MYO16: variants seen among roughly 807,000 people sequenced by gnomAD.
MYO16 encodes the protein unconventional myosin-XVI.
A neutral mutation model predicts 205.3 loss-of-function variants in MYO16; 94 were observed. That is an observed-to-expected ratio of 0.46 (90% CI 0.39 to 0.54). MYO16 has a LOEUF of 0.54. Among genes scored for constraint, MYO16 ranks in the 20% least tolerant of loss-of-function variants. MYO16 has a pLI of 0.00. For synonymous variants in MYO16, 988 were observed against 954.0 expected (o/e 1.04, Z -0.66); for missense variants, 2,315 against 2,387.5 (o/e 0.97, Z 0.63).
intron 31 of MYO16, among the ~76,000 whole-genome samples, chr13:109,136,709 C>T (rs898079303): frequency 6.6e-5 from 10 of 152,216 alleles, no homozygotes; most frequent in African/African-American, 2.4e-4. Flanking sequence ...CTTCCAGCAT[C>T]TTCCTCACTG....
chr13:108,625,388 G>A (rs901605641), upstream of MYO16, among the ~76,000 whole-genome samples: 5 of 152,110 alleles, frequency 3.3e-5, no homozygotes, highest in East Asian at 1.9e-4. Context: ...AGGCACCAGG[G>A]GTTGACCAGA....
chr13:108,757,645 A>G (rs1459353089), intron 4 of MYO16, among the ~76,000 whole-genome samples: 2 of 152,070 alleles, frequency 1.3e-5, no homozygotes, highest in African/African-American at 4.8e-5. Flanking sequence ...CCACCCCACA[A>G]CAGGCCCCAG....
intron 27 of MYO16, among the ~76,000 whole-genome samples, chr13:109,079,842 A>G (rs11619051): frequency 6.6e-6 from 1 of 151,772 alleles, no homozygotes; most frequent in African/African-American, 2.4e-5. Flanking sequence ...ACTTTCTGCA[A>G]TGATGGTTTT....
chr13:108,862,140 G>A (rs1019155709), intron 11 of MYO16, among the ~76,000 whole-genome samples: 2 of 152,026 alleles, frequency 1.3e-5, no homozygotes, highest in Admixed American at 1.3e-4. Context: ...TCAAAAGATC[G>A]AAATCCTCAA....
In MYO16 at chr13:108,686,071, G is replaced by A. The variant is rs575919193; in HGVS notation, c.292+19922G>A. Among the ~76,000 whole-genome samples the A allele has an allele frequency of 3.6e-4, 55 of 152,342 alleles. 1 individual carries two copies. Among genetic ancestry groups the A allele is most frequent in the Admixed American group, 9.8e-4 (15 of 15,308 alleles). ...AGGAGAGAAGAAAGCAGCAGACCTG[G>A]TAGGAAATGTTTCAGGACGTAGCAG... On this transcript the variant is annotated intron_variant, in intron 2 of 34. Coordinates refer to ENST00000457511, the MANE Select transcript of MYO16 (RefSeq NM_001198950.3).
chr13:108,561,549 T>A, the MYO16 span, among the ~76,000 whole-genome samples: 1 of 152,208 alleles, frequency 6.6e-6, no homozygotes, highest in African/African-American at 2.4e-5. Context: ...GAAACTGAGG[T>A]TAGGTATTAT....
intron 22 of MYO16, among the ~76,000 whole-genome samples, chr13:109,011,370 C>T (rs1425670449): frequency 6.6e-6 from 1 of 152,112 alleles, no homozygotes; most frequent in Non-Finnish European, 1.5e-5. Context: ...GTGTGCGTGT[C>T]TCATGGCTGG....
In MYO16 at chr13:109,001,998, G is replaced by A. The variant is rs75405797; in HGVS notation, c.2443-6899G>A. On this transcript the variant is annotated intron_variant, in intron 21 of 34. Transcript: ENST00000457511. Reference sequence around the variant, plus strand: ...TATATACACATATATATTAACTAATGAGCAAATTAGTTGATGCATAGTGCA... The same window carrying A: ...TATATACACATATATATTAACTAATAAGCAAATTAGTTGATGCATAGTGCA... Among the ~76,000 whole-genome samples, 456 of 152,114 alleles carry A rather than the reference G, an allele frequency of 3.0e-3. 2 individuals carry two copies. Among genetic ancestry groups the A allele is most frequent in the African/African-American group, 0.011 (441 of 41,480 alleles).
chr13:109,162,248 G>A lies in MYO16; in HGVS notation c.5165-2653G>A, dbSNP rs1246821136. On this transcript the variant is annotated intron_variant, in intron 32 of 34. Coordinates refer to ENST00000457511, the MANE Select transcript of MYO16 (RefSeq NM_001198950.3). This position sits in a 1 kb window ranked among gnomAD's most constrained non-coding sequence, Gnocchi z 4.6. The stretch of plus-strand genomic sequence containing the variant: ...AATCAGTTGTGAGGGAGGCCAGCCT[G>A]AAGTACTCAGACTGAGAGTCAGCAA... Among the ~76,000 whole-genome samples the A allele has an allele frequency of 6.6e-6, 1 of 152,220 alleles. No homozygotes were observed. The highest frequency in any genetic ancestry group is 2.4e-5 in the African/African-American group (1 of 41,452).
intron 34 of MYO16, among the ~76,000 whole-genome samples, chr13:109,204,813 G>C (rs1259100221): frequency 6.6e-6 from 1 of 152,126 alleles, no homozygotes; most frequent in Non-Finnish European, 1.5e-5. Flanking sequence ...CTGCAACATA[G>C]AAGTACCCAC....
chr13:108,569,222 T>C, the MYO16 span, among the ~76,000 whole-genome samples: 2 of 152,138 alleles, frequency 1.3e-5, no homozygotes, highest in Admixed American at 6.5e-5. Flanking sequence ...TTTGATAGGG[T>C]TTGTATTACG....
rs192472771 is a variant in MYO16 at position 109,191,693 on chromosome 13, A to G, written c.5415+12060A>G. 1.3e-3 allele frequency among the ~76,000 whole-genome samples: 205 copies of G among 152,322 alleles called. 2 individuals carry two copies. The highest frequency in any genetic ancestry group is 4.6e-3 in the African/African-American group (191 of 41,576). Reference sequence around the variant, plus strand: ...CTGCAGTGAGATTACTCTACTTGTCACTAGATGTTCAAGTGGGGTTGAAAT... The same window carrying G: ...CTGCAGTGAGATTACTCTACTTGTCGCTAGATGTTCAAGTGGGGTTGAAAT... On this transcript the variant is annotated intron_variant, in intron 34 of 34. Transcript: ENST00000457511.
intron 1 of MYO16, among the ~76,000 whole-genome samples, chr13:108,636,554 A>G (rs1005949605): frequency 2.0e-5 from 3 of 151,784 alleles, no homozygotes; most frequent in Non-Finnish European, 2.9e-5. Context: ...TAATTTTTGT[A>G]TTTTTAGTAG....
intron 10 of MYO16, among the ~76,000 whole-genome samples, chr13:108,853,155 C>T (rs1437224873): frequency 1.3e-5 from 2 of 152,254 alleles, no homozygotes; most frequent in Non-Finnish European, 2.9e-5. Context: ...TCGCGCCTCT[C>T]TCTGAGAGCT....
At chr13:108,947,115 A>G (rs1256731260) in intron 16 of MYO16, among the ~76,000 whole-genome samples, 5 of 152,242 alleles carry the variant, frequency 3.3e-5, no homozygotes, top group African/African-American at 1.2e-4. Context: ...GTACATGGTC[A>G]TGTGTCTGAA....
chr13:108,502,558 AT>A, the MYO16 span, among the ~76,000 whole-genome samples: 1 of 151,894 alleles, frequency 6.6e-6, no homozygotes, highest in Non-Finnish European at 1.5e-5. Context: ...TGTTGAAAAC[AT>A]TTTAATGTCT....
intron 2 of MYO16, among the ~76,000 whole-genome samples, chr13:108,677,527 G>A (rs570163002): frequency 6.6e-6 from 1 of 151,314 alleles, no homozygotes; most frequent in African/African-American, 2.4e-5. Context: ...ATTTATACAT[G>A]CACATATATA....
chr13:108,701,217 C>A (rs1312770857), intron 2 of MYO16, among the ~76,000 whole-genome samples: 3 of 152,000 alleles, frequency 2.0e-5, no homozygotes, highest in African/African-American at 4.8e-5. Flanking sequence ...GAGAGGGAAT[C>A]GGATTTTCAA....
At chr13:109,048,319 CT>C (rs201765664) in intron 24 of MYO16, 29,226 of 730,546 alleles carry the variant, frequency 0.04, 683 homozygotes, top group South Asian at 0.053. Context: ...ACAATTCAGT[CT>C]TTTTTTTTAT....
Sources: allele counts gnomAD v4.1 joint callset (sites outside exome capture counted in the v4.1 genomes callset), GRCh38; gene constraint gnomAD v4.1.1; non-coding constraint Gnocchi (gnomAD v3.1); transcripts MANE v1.5; gene names NCBI Gene and HGNC (gene_info 2026-07-23, HGNC 2026-07-21).